The following CSMD1 variants were observed in gnomAD, a reference collection of about 807,000 sequenced individuals.
CSMD1 encodes the protein CUB and Sushi multiple domains 1.
CSMD1 carries 213 observed loss-of-function variants against 417.5 expected under a neutral mutation model. That is an observed-to-expected ratio of 0.51 (90% CI 0.46 to 0.57). CSMD1 has a LOEUF of 0.57. Ranked by LOEUF, CSMD1 falls within the 20% of genes least tolerant of loss-of-function variation. The pLI, the probability that CSMD1 is intolerant of heterozygous loss-of-function variation, is 0.00. For synonymous variants in CSMD1, 2,862 were observed against 1,736.8 expected (o/e 1.65, Z -16.11); for missense variants, 6,923 against 4,529.7 (o/e 1.53, Z -15.17).
At chr8:4,035,051 T>C (rs1025638860) in intron 3 of CSMD1, among the ~76,000 whole-genome samples, 5 of 152,138 alleles carry the variant, frequency 3.3e-5, no homozygotes, top group Admixed American at 2.6e-4. Context: ...ATAATGCAAA[T>C]GATTATCGTG....
At chr8:3,533,146 G>T (rs1798049978) in intron 10 of CSMD1, among the ~76,000 whole-genome samples, 1 of 152,118 alleles carries the variant, frequency 6.6e-6, no homozygotes, top group Non-Finnish European at 1.5e-5. Context: ...TGCAGAGGAA[G>T]AAATTTAAAG....
intron 1 of CSMD1, among the ~76,000 whole-genome samples, chr8:4,711,474 G>C (rs978345121): frequency 2.0e-5 from 3 of 151,666 alleles, no homozygotes; most frequent in Admixed American, 1.3e-4. Context: ...TTTTATTTTT[G>C]TAAAGCAAAA....
chr8:3,394,231 T>A (rs1811549840), intron 17 of CSMD1, among the ~76,000 whole-genome samples: 1 of 146,784 alleles, frequency 6.8e-6, no homozygotes, highest in Admixed American at 6.8e-5. Flanking sequence ...ATTACTTACA[T>A]ATTAAATTAT....
chr8:2,980,344 A>C (rs1805297714), intron 54 of CSMD1, among the ~76,000 whole-genome samples: 3 of 137,676 alleles, frequency 2.2e-5, no homozygotes, highest in Admixed American at 7.2e-5. Context: ...CTCCTCCTCC[A>C]TTTCCTCCTC....
At chr8:3,329,389 G>A (rs1806743758) in intron 23 of CSMD1, among the ~76,000 whole-genome samples, 1 of 151,980 alleles carries the variant, frequency 6.6e-6, no homozygotes, top group African/African-American at 2.4e-5. Flanking sequence ...TGATAAGCAG[G>A]GGACAGAAAA....
intron 3 of CSMD1, among the ~76,000 whole-genome samples, chr8:4,374,872 A>C (rs780798426): frequency 2.0e-5 from 3 of 149,922 alleles, no homozygotes; most frequent in Non-Finnish European, 4.4e-5. Context: ...AATTAAACAC[A>C]GGACATGAAG....
chr8:3,205,625 A>G lies in CSMD1; in HGVS notation c.4868-5T>C. 7.0e-7 allele frequency: 1 copy of G among 1,432,024 alleles called. No individual in the cohort carries two copies. The highest frequency in any genetic ancestry group is 9.6e-7 in the Non-Finnish European group (1 of 1,036,724). The allele number at this position is 1,432,024 out of a possible 1,614,324, so 88.7% of individuals were successfully genotyped here. On this transcript the variant is annotated splice_polypyrimidine_tract_variant and splice_region_variant and intron_variant, in intron 30 of 69. Transcript: ENST00000635120. ...TGTACTGGCCTCCACAGGGAGCTGA[A>G]AATAAAATCAACCGAGAATTAGTCG...
At chr8:4,191,187 G>T in intron 3 of CSMD1, among the ~76,000 whole-genome samples, 1 of 152,142 alleles carries the variant, frequency 6.6e-6, no homozygotes, top group East Asian at 1.9e-4. Context: ...ACGACGTCAG[G>T]AGATTGAGAC....
At chr8:3,423,704 C>T (rs1027777664) in intron 12 of CSMD1, among the ~76,000 whole-genome samples, 3 of 152,176 alleles carry the variant, frequency 2.0e-5, no homozygotes, top group African/African-American at 7.2e-5. Flanking sequence ...TGTTCCATCC[C>T]AGGTCTTTGT....
intron 2 of CSMD1, among the ~76,000 whole-genome samples, chr8:4,439,753 G>A (rs1376276300): frequency 1.3e-5 from 2 of 152,140 alleles, no homozygotes; most frequent in East Asian, 1.9e-4. Flanking sequence ...TCAGTTTTGT[G>A]TTACTAATGG....
chr8:4,466,879 G>T (rs1278284573), intron 2 of CSMD1, among the ~76,000 whole-genome samples: 3 of 151,978 alleles, frequency 2.0e-5, no homozygotes, highest in Admixed American at 6.6e-5. Flanking sequence ...TGAGACTAAG[G>T]TTATTTTTAA....
At chr8:4,787,650 CT>C in intron 1 of CSMD1, 1 of 1,586,884 alleles carries the variant, frequency 6.3e-7, no homozygotes, top group East Asian at 2.2e-5. Flanking sequence ...AAAAGAAATC[CT>C]GGTGTCAAGG....
intron 3 of CSMD1, among the ~76,000 whole-genome samples, chr8:4,081,363 T>G (rs989659347): frequency 6.6e-6 from 1 of 152,168 alleles, no homozygotes; most frequent in African/African-American, 2.4e-5. Flanking sequence ...ATTGTGTGAA[T>G]TACAAACTGT....
chr8:3,130,074 A>G (rs562508579), intron 41 of CSMD1, among the ~76,000 whole-genome samples: 325 of 152,312 alleles, frequency 2.1e-3, no homozygotes, highest in Middle Eastern at 6.8e-3. Flanking sequence ...CAACTGAGAT[A>G]CACCAATTAA....
chr8:3,103,739 CTT>C (rs35949402), intron 46 of CSMD1, among the ~76,000 whole-genome samples: 6,808 of 124,106 alleles, frequency 0.055, 397 homozygotes, highest in African/African-American at 0.15. Flanking sequence ...AATCAAATTC[CTT>C]TTTTTTTTAA....
At chr8:3,367,281 CAGAG>C (rs1563316723) in intron 19 of CSMD1, 34 bp from the exon 20 acceptor site, 1 of 1,437,510 alleles carries the variant, frequency 7.0e-7, no homozygotes. Flanking sequence ...GAGAGAGAGA[CAGAG>C]AGAGACACAC....
chr8:4,889,104 G>A (rs62484652), intron 1 of CSMD1, among the ~76,000 whole-genome samples: 7,507 of 152,184 alleles, frequency 0.049, 279 homozygotes, highest in South Asian at 0.12. Context: ...AACGGAATAT[G>A]TGCAATGTCC....
intron 1 of CSMD1, among the ~76,000 whole-genome samples, chr8:4,755,777 C>T (rs1384699767): frequency 1.3e-5 from 2 of 152,112 alleles, no homozygotes; most frequent in African/African-American, 4.8e-5. Context: ...TCCAAAATGT[C>T]TTCATGAACG....
At chr8:3,468,675 C>G (rs374573171) in intron 12 of CSMD1, 37 bp downstream of exon 12, 2 of 1,375,092 alleles carry the variant, frequency 1.5e-6, no homozygotes, top group East Asian at 2.4e-5. Context: ...TCTTGGAATG[C>G]TAACTTCCAA....
Sources: gnomAD v4.1 joint callset for allele counts (sites outside exome capture counted in the v4.1 genomes callset) on GRCh38, gnomAD v4.1.1 for gene constraint, MANE v1.5 for transcripts, NCBI Gene and HGNC (gene_info 2026-07-23, HGNC 2026-07-21) for gene names.